UGT1A10: variants seen among roughly 807,000 people sequenced by gnomAD.
UGT1A10 encodes UDP-glucuronosyltransferase 1A10.
Under a neutral mutation model 45.8 loss-of-function variants are expected in UGT1A10, and 49 were observed. The observed-to-expected ratio is 1.07, with a 90% CI of 0.85 to 1.36. UGT1A10 has a LOEUF of 1.36. Among genes scored for constraint, UGT1A10 ranks in the 40% most tolerant of loss-of-function variants. The pLI, the probability that UGT1A10 is intolerant of heterozygous loss-of-function variation, is 0.00. For missense variants in UGT1A10, 745 were observed against 668.6 expected (o/e 1.11, Z -1.26); for synonymous variants, 284 against 249.7 (o/e 1.14, Z -1.29).
intron 4 of UGT1A10, chr2:233,770,944 AC>A: frequency 6.6e-6 from 1 of 152,138 alleles, no homozygotes; most frequent in Non-Finnish European, 1.5e-5. Context: ...TGCCGGGGGA[AC>A]CTCAGGGAGC....
intron 1 of UGT1A10, among the ~76,000 whole-genome samples, chr2:233,764,942 G>T (rs12479045): frequency 6.6e-6 from 1 of 152,080 alleles, no homozygotes; most frequent in African/African-American, 2.4e-5. Flanking sequence ...TGAGAGTGGC[G>T]GGGAGAGAGG....
chr2:233,639,239 T>C (rs1259832450), intron 1 of UGT1A10, among the ~76,000 whole-genome samples: 1 of 152,234 alleles, frequency 6.6e-6, no homozygotes, highest in East Asian at 1.9e-4. Context: ...TCTATATCTA[T>C]TAAAGAATAT....
chr2:233,767,285 T>G, intron 2 of UGT1A10, 120 bp downstream of exon 2: 4 of 1,569,258 alleles, frequency 2.5e-6, no homozygotes, highest in Non-Finnish European at 3.4e-6. Flanking sequence ...CCCTGCCACT[T>G]CCCAACTATT....
In UGT1A10 at chr2:233,683,614, C is replaced by T. The variant is rs562687915; in HGVS notation, c.855+46237C>T. On this transcript the variant is annotated intron_variant, in intron 1 of 4. Transcript: ENST00000344644. ...GAATCCCTCATTATTTATTCGGATT[C>T]TGTTTTATTTCCATAAATAAAATTT... Among the ~76,000 whole-genome samples, 107 of 152,184 alleles carry T rather than the reference C, an allele frequency of 7.0e-4. 1 individual carries two copies. The highest frequency in any genetic ancestry group is 2.3e-3 in the African/African-American group (97 of 41,542).
chr2:233,691,015 G>T, intron 1 of UGT1A10: 1 of 993,080 alleles, frequency 1.0e-6, no homozygotes, highest in Non-Finnish European at 1.2e-6. Flanking sequence ...GCAAGGCTGT[G>T]GTTGGAAGGG....
chr2:233,690,185 A>G (rs1575442936), intron 1 of UGT1A10, among the ~76,000 whole-genome samples: 2 of 152,246 alleles, frequency 1.3e-5, no homozygotes, highest in Non-Finnish European at 2.9e-5. Context: ...TAGCCATTTC[A>G]TAAAATATTC....
chr2:233,733,504 G>A lies in UGT1A10; in HGVS notation c.856-33530G>A, dbSNP rs556302512. ...TCCATCAATACCTAGTTTATTGCCA[G>A]TTTTAGGCATGAAGGGATGTTTAAT... On this transcript the variant is annotated intron_variant, in intron 1 of 4. Coordinates refer to ENST00000344644, the MANE Select transcript of UGT1A10 (RefSeq NM_019075.4). 2.0e-5 allele frequency among the ~76,000 whole-genome samples: 3 copies of A among 152,294 alleles called. No individual in the cohort carries two copies. In the South Asian group the frequency reaches 6.2e-4, roughly 32 times the overall value.
At position 233,772,385 on chromosome 2, in the gene UGT1A10, C is replaced by A. The variant is rs28900406; in HGVS notation, c.1419C>A (p.Pro473=). ...ACAAGGGCGCGCCACACCTGCGCCCCGCAGCCCACGACCTCACCTGGTACC... is the reference window on the plus strand; with the variant it reads ...ACAAGGGCGCGCCACACCTGCGCCCAGCAGCCCACGACCTCACCTGGTACC... ...MRHKGAPHLR[P]AAHDLTWYQY... is the part of the protein sequence containing the mutation. The change falls in exon 5 of 5, where the codon CCC becomes CCA. Residue 473 remains proline (P), a synonymous_variant. Transcript: ENST00000344644. 3 of 1,614,128 alleles carry A rather than the reference C, an allele frequency of 1.9e-6. No individual in the cohort carries two copies. The African/African-American group carries it at 4.0e-5, about 22-fold the overall frequency.
intron 1 of UGT1A10, among the ~76,000 whole-genome samples, chr2:233,765,461 A>G (rs963338723): frequency 3.9e-5 from 6 of 152,204 alleles, no homozygotes; most frequent in Non-Finnish European, 8.8e-5. Flanking sequence ...TTGCAAGGAC[A>G]TGGATGAAGC....
intron 1 of UGT1A10, among the ~76,000 whole-genome samples, chr2:233,662,788 A>C (rs1429891379): frequency 6.9e-6 from 1 of 144,816 alleles, no homozygotes; most frequent in Non-Finnish European, 1.5e-5. Context: ...AGCTTTGGAA[A>C]CTTCTCTTCT....
chr2:233,765,604 G>T (rs986298003), intron 1 of UGT1A10, among the ~76,000 whole-genome samples: 11 of 151,976 alleles, frequency 7.2e-5, no homozygotes, highest in Non-Finnish European at 1.2e-4. Context: ...CAGGGCTTGT[G>T]GCGGGGTGAG....
Position 233,671,955 on chromosome 2 carries a change from C to G in UGT1A10, c.855+34578C>G, listed in dbSNP as rs750374657. ...CTCTGATGGCTTGCACAGGGTGGAC[C>G]AGCCCCCTTCCTCTATGTGTGTGTC... is the stretch of plus-strand genomic sequence containing the variant. On this transcript the variant is annotated intron_variant, in intron 1 of 4. Transcript: ENST00000344644. The G allele has an allele frequency of 4.3e-6, 7 of 1,612,836 alleles. No homozygotes were observed. In the African/African-American group the frequency reaches 8.0e-5, roughly 18 times the overall value.
rs1343276801 is a variant in UGT1A10, at chr2:233,655,476, T to C, written c.855+18099T>C. On this transcript the variant is annotated intron_variant, in intron 1 of 4. Transcript: ENST00000344644. ...AAGGGGCACGACTTAAGGAGGCTCA[T>C]GCTTCTCTTGTCTTCTGCCTTAGGC... is the stretch of plus-strand genomic sequence containing the variant. Among the ~76,000 whole-genome samples, 5 of 152,326 alleles carry C rather than the reference T, an allele frequency of 3.3e-5. No individual in the cohort carries two copies. The East Asian group carries it at 7.7e-4, about 24-fold the overall frequency.
At chr2:233,718,926 A>T in intron 1 of UGT1A10, 1 of 1,614,126 alleles carries the variant, frequency 6.2e-7, no homozygotes, top group Non-Finnish European at 8.5e-7. Context: ...GGTGGTGCCC[A>T]CTGATGGCAG....
At chr2:233,718,862 A>T (rs62191899) in intron 1 of UGT1A10, 1 of 1,613,832 alleles carries the variant, frequency 6.2e-7, no homozygotes, top group Non-Finnish European at 8.5e-7. Flanking sequence ...GGCTGGCCAC[A>T]GGACTGCTGC....
intron 1 of UGT1A10, chr2:233,718,866 C>A: frequency 4.3e-6 from 7 of 1,613,892 alleles, no homozygotes; most frequent in Non-Finnish European, 5.9e-6. Context: ...GGCCACAGGA[C>A]TGCTGCTCCT....
At chr2:233,698,319 G>C (rs1406840673) in intron 1 of UGT1A10, among the ~76,000 whole-genome samples, 1 of 152,196 alleles carries the variant, frequency 6.6e-6, no homozygotes, top group African/African-American at 2.4e-5. Flanking sequence ...GAAATGTCTG[G>C]AACCAGATAG....
intron 1 of UGT1A10, chr2:233,753,586 C>G (rs1242811464): frequency 6.6e-6 from 1 of 152,168 alleles, no homozygotes; most frequent in Admixed American, 6.5e-5. Context: ...GATGGACTAC[C>G]CCAAGGCAAT....
In UGT1A10 at chr2:233,701,537, A is replaced by G. The variant is rs968606344; in HGVS notation, c.855+64160A>G. On this transcript the variant is annotated intron_variant, in intron 1 of 4. Transcript: ENST00000344644. ...ACTCTCCACCCCAAATCAACAGAATATACATTCTTTTCAGCACCACACCAC... is the reference window on the plus strand; with the variant it reads ...ACTCTCCACCCCAAATCAACAGAATGTACATTCTTTTCAGCACCACACCAC... Among the ~76,000 whole-genome samples the G allele has an allele frequency of 9.2e-5, 14 of 152,292 alleles. No individual in the cohort carries two copies. The East Asian group carries it at 9.6e-4, about 10-fold the overall frequency.
Sources: allele counts gnomAD v4.1 joint callset (sites outside exome capture counted in the v4.1 genomes callset), GRCh38; gene constraint gnomAD v4.1.1; transcripts MANE v1.5; gene names NCBI Gene and HGNC (gene_info 2026-07-23, HGNC 2026-07-21).